The following HHAT variants were observed in gnomAD, a reference collection of about 807,000 sequenced individuals.
HHAT encodes the protein protein-cysteine N-palmitoyltransferase HHAT.
In HHAT, 47 loss-of-function variants were observed where a neutral mutation model predicts 70.8. That is an observed-to-expected ratio of 0.66 (90% CI 0.53 to 0.85). The LOEUF is 0.85. HHAT is among the 40% of genes least tolerant of loss of function. HHAT has a pLI of 0.00. For synonymous variants in HHAT, 228 were observed against 247.6 expected (o/e 0.92, Z 0.74); for missense variants, 609 against 604.8 (o/e 1.01, Z -0.07).
intron 11 of HHAT, among the ~76,000 whole-genome samples, chr1:210,639,175 C>T (rs1433136443): frequency 6.6e-6 from 1 of 152,180 alleles, no homozygotes; most frequent in African/African-American, 2.4e-5. Context: ...ACTCTTCCTT[C>T]CTTCAACCCA....
At chr1:210,402,687 T>A (rs1572179360) in intron 5 of HHAT, among the ~76,000 whole-genome samples, 1 of 152,152 alleles carries the variant, frequency 6.6e-6, no homozygotes, top group African/African-American at 2.4e-5. Context: ...TATCCCTTCC[T>A]CTAACCCCCT....
intron 8 of HHAT, among the ~76,000 whole-genome samples, chr1:210,511,066 A>G (rs1299116316): frequency 6.6e-6 from 1 of 152,198 alleles, no homozygotes; most frequent in Non-Finnish European, 1.5e-5. Context: ...GTGGATATTT[A>G]TTTATGGGGC....
At chr1:210,631,739 T>C (rs1344879665) in intron 11 of HHAT, among the ~76,000 whole-genome samples, 1 of 152,232 alleles carries the variant, frequency 6.6e-6, no homozygotes, top group Non-Finnish European at 1.5e-5. Flanking sequence ...CATGGCTGGC[T>C]GTGGTTCTTG....
chr1:210,498,078 T>C (rs2094685104), intron 8 of HHAT, among the ~76,000 whole-genome samples: 2 of 152,104 alleles, frequency 1.3e-5, no homozygotes, highest in South Asian at 4.2e-4. Context: ...TATGTATCAG[T>C]TGACCCCCTA....
chr1:210,355,191 C>G (rs10863822), intron 2 of HHAT, among the ~76,000 whole-genome samples: 18,444 of 152,168 alleles, frequency 0.12, 1,561 homozygotes, highest in East Asian at 0.27. Flanking sequence ...ATTGAATTCT[C>G]TTATGTTCCA....
chr1:210,536,057 A>G lies in HHAT; in HGVS notation c.1043+22869A>G, dbSNP rs146405272. ...GCTGTCACTGGCCATTAGAGTGCTA[A>G]TGACCAACTGATTTGGCTGCCTCAA... On this transcript the variant is annotated intron_variant, in intron 9 of 11. Coordinates refer to ENST00000261458, the MANE Select transcript of HHAT (RefSeq NM_018194.6). Among the ~76,000 whole-genome samples, 238 of 152,350 alleles carry G rather than the reference A, an allele frequency of 1.6e-3. 1 individual carries two copies. The highest frequency in any genetic ancestry group is 4.9e-3 in the African/African-American group (202 of 41,590).
chr1:210,497,220 C>T (rs946448537), intron 8 of HHAT, among the ~76,000 whole-genome samples: 3 of 152,136 alleles, frequency 2.0e-5, no homozygotes, highest in Admixed American at 1.3e-4. Flanking sequence ...AGAATAATTA[C>T]AGACATGATT....
chr1:210,433,331 T>C (rs1406117846), intron 7 of HHAT, among the ~76,000 whole-genome samples: 1 of 151,732 alleles, frequency 6.6e-6, no homozygotes, highest in Non-Finnish European at 1.5e-5. Flanking sequence ...ATCAGATTGG[T>C]GTTAGTGTGA....
chr1:210,620,916 A>G (rs754052613), intron 10 of HHAT, among the ~76,000 whole-genome samples: 5 of 148,320 alleles, frequency 3.4e-5, no homozygotes, highest in Non-Finnish European at 7.4e-5. Context: ...TCCTAAGTAG[A>G]TATAGGAATT....
intron 1 of HHAT, among the ~76,000 whole-genome samples, chr1:210,336,287 A>ATTTTTT (rs541795412): frequency 0.19 from 16,408 of 84,178 alleles, 3,041 homozygotes; most frequent in South Asian, 0.24. Flanking sequence ...TGCCTGGCTA[A>ATTTTTT]TTTTTTTTTT....
In HHAT at chr1:210,400,527, C is replaced by A. The variant is rs151219130; in HGVS notation, c.333C>A (p.Thr111=). The change falls in exon 5 of 12, where the codon ACC becomes ACA. Residue 111 remains threonine (T), a synonymous_variant. Coordinates refer to ENST00000261458, the MANE Select transcript of HHAT (RefSeq NM_018194.6). ...GMWACWCVLG[T]PGVAMVLLHT... Reference sequence around the variant, plus strand: ...GGGCCTGCTGGTGTGTGCTGGGGACCCCTGGTGTGGCTATGGTTTTGCTCC... The same window carrying A: ...GGGCCTGCTGGTGTGTGCTGGGGACACCTGGTGTGGCTATGGTTTTGCTCC... The A allele has an allele frequency of 6.2e-7, 1 of 1,613,846 alleles. No individual in the cohort carries two copies. The highest frequency in any genetic ancestry group is 1.3e-5 in the African/African-American group (1 of 74,844).
At chr1:210,665,903 A>T (rs1402960536) in intron 11 of HHAT, among the ~76,000 whole-genome samples, 1 of 152,218 alleles carries the variant, frequency 6.6e-6, no homozygotes, top group Non-Finnish European at 1.5e-5. Context: ...GAGAATAGTA[A>T]TTTCTACCTC....
At chr1:210,565,233 A>G (rs936418709) in intron 9 of HHAT, among the ~76,000 whole-genome samples, 2 of 152,212 alleles carry the variant, frequency 1.3e-5, no homozygotes, top group African/African-American at 4.8e-5. Context: ...TGGTTCGGGA[A>G]GGAGAGGGTG....
chr1:210,478,615 C>T (rs1318289412), intron 8 of HHAT, among the ~76,000 whole-genome samples: 2 of 152,154 alleles, frequency 1.3e-5, no homozygotes, highest in Non-Finnish European at 2.9e-5. Context: ...GAGTGATTCT[C>T]TCCCACTCTG....
chr1:210,656,823 T>C (rs2148949675), intron 11 of HHAT, among the ~76,000 whole-genome samples: 1 of 152,278 alleles, frequency 6.6e-6, no homozygotes, highest in East Asian at 1.9e-4. Flanking sequence ...GTGATGCCTC[T>C]TCCTGGTGCC....
chr1:210,644,464 G>C (rs11119556), intron 11 of HHAT, among the ~76,000 whole-genome samples: 45,331 of 151,718 alleles, frequency 0.3, 7,338 homozygotes, highest in South Asian at 0.43. Context: ...TTAGCTAGGC[G>C]TGGTGGTGGG....
At chr1:210,401,953 A>G (rs1325696022) in intron 5 of HHAT, among the ~76,000 whole-genome samples, 7 of 152,158 alleles carry the variant, frequency 4.6e-5, no homozygotes, top group African/African-American at 1.7e-4. Flanking sequence ...TGCTTATGCA[A>G]TTGAAGCTTA....
intron 10 of HHAT, among the ~76,000 whole-genome samples, chr1:210,604,523 A>G (rs568813736): frequency 9.2e-5 from 14 of 152,354 alleles, no homozygotes; most frequent in Non-Finnish European, 1.9e-4. Flanking sequence ...GTTATATACT[A>G]AAATAATTGT....
intron 9 of HHAT, among the ~76,000 whole-genome samples, chr1:210,553,036 T>C (rs1043151498): frequency 6.6e-6 from 1 of 152,170 alleles, no homozygotes; most frequent in Non-Finnish European, 1.5e-5. Flanking sequence ...CAGGTGACTC[T>C]ACCCCATCTT....
Sources: gnomAD v4.1 joint callset for allele counts (sites outside exome capture counted in the v4.1 genomes callset) on GRCh38, gnomAD v4.1.1 for gene constraint, MANE v1.5 for transcripts, NCBI Gene and HGNC (gene_info 2026-07-23, HGNC 2026-07-21) for gene names.